CIB1: variants seen among roughly 807,000 people sequenced by gnomAD.
The protein encoded by CIB1 is calcium and integrin-binding protein 1.
CIB1 carries 19 observed loss-of-function variants against 25.0 expected under a neutral mutation model. The observed-to-expected ratio is 0.76, with a 90% confidence interval of 0.53 to 1.12. The LOEUF is 1.12. CIB1 is among the 50% of genes most tolerant of loss of function. CIB1 has a pLI of 0.00. For synonymous variants in CIB1, 104 were observed against 98.5 expected (o/e 1.06, Z -0.33); for missense variants, 236 against 242.6 (o/e 0.97, Z 0.18).
rs537611708 is a variant in CIB1, at chr15:90,230,624, C to A, written c.555-119G>T. ...GAACGGGCTATGTTCCGTGTGTCAG[C>A]CCCCTCTGCAAGAACTCCCCGAGAC... is the stretch of plus-strand genomic sequence containing the variant. On this transcript the variant is annotated intron_variant, in intron 6 of 6. Transcript: ENST00000328649. The A allele has an allele frequency of 3.6e-6, 4 of 1,108,932 alleles. No homozygotes were observed. In the Admixed American group the frequency reaches 8.3e-5, roughly 23 times the overall value. The allele number at this position is 1,108,932 out of a possible 1,614,324, so 68.7% of individuals were successfully genotyped here. A position where few individuals can be genotyped will look rare whatever the true frequency, so the allele number is the denominator to read the frequency against.
Position 90,231,133 on chromosome 15 carries a change from G to T in CIB1, c.427C>A (p.Arg143=). The T allele has an allele frequency of 6.2e-7, 1 of 1,614,174 alleles. No homozygotes were observed. Among genetic ancestry groups the T allele is most frequent in the Non-Finnish European group, 8.5e-7 (1 of 1,180,032 alleles). ...TGCTTCATCTCAGACGCACTAAGCC[G>T]TGTGTCCTCGCCCTCTCCCGTGAGG... is the stretch of plus-strand genomic sequence containing the variant. The part of the protein sequence containing the change: ...NCLTGEGEDT[R]LSASEMKQLI... Residue 143 remains arginine (R), a synonymous_variant, in exon 5 of 7, where the codon CGG becomes AGG. Coordinates refer to ENST00000328649, the MANE Select transcript of CIB1 (RefSeq NM_006384.4).
chr15:90,256,545 T>TTTCTTTC, the CIB1 span, among the ~76,000 whole-genome samples: 7 of 105,390 alleles, frequency 6.6e-5, no homozygotes, highest in African/African-American at 1.9e-4. Flanking sequence ...TCTCCTTCCT[T>TTTCTTTC]TTTCTTTCTT....
At chr15:90,260,628 G>A in the CIB1 span, among the ~76,000 whole-genome samples, 340 of 152,204 alleles carry the variant, frequency 2.2e-3, 2 homozygotes, top group African/African-American at 7.7e-3. Context: ...TGAGGTGGGC[G>A]GATCAGGAGG....
chr15:90,246,030 T>A, the CIB1 span, among the ~76,000 whole-genome samples: 3 of 151,940 alleles, frequency 2.0e-5, no homozygotes, highest in East Asian at 3.9e-4. Context: ...TCCCAGCACT[T>A]TGGGAGGCCG....
upstream of CIB1, among the ~76,000 whole-genome samples, chr15:90,234,879 A>T (rs142082147): frequency 9.6e-3 from 1,468 of 152,328 alleles, 28 homozygotes; most frequent in African/African-American, 0.034. Flanking sequence ...GAATGAACGT[A>T]TACTATTGCA....
chr15:90,249,143 C>G, the CIB1 span, among the ~76,000 whole-genome samples: 5 of 147,646 alleles, frequency 3.4e-5, no homozygotes, highest in Non-Finnish European at 7.4e-5. Context: ...CCCAGGAGGT[C>G]CAGGCTGCAG....
chr15:90,240,983 C>A, the CIB1 span: 1 of 1,614,042 alleles, frequency 6.2e-7, no homozygotes, highest in Non-Finnish European at 8.5e-7. Context: ...GCAGGCAAAC[C>A]ATTCCTGACT....
At chr15:90,231,246 G>C (rs748735632) in intron 4 of CIB1, 33 bp from the exon 5 acceptor site, 96 of 1,611,294 alleles carry the variant, frequency 6.0e-5, no homozygotes, top group Non-Finnish European at 6.8e-5. Context: ...CAAAAGACAC[G>C]GTTGGGAGGG....
the CIB1 span, among the ~76,000 whole-genome samples, chr15:90,254,802 C>T: frequency 6.6e-6 from 1 of 150,932 alleles, no homozygotes; most frequent in African/African-American, 2.4e-5. Context: ...GCTGAGATCA[C>T]ACCACTGCAC....
chr15:90,263,274 C>T, the CIB1 span: 108 of 832,764 alleles, frequency 1.3e-4, no homozygotes, highest in South Asian at 1.7e-3. Flanking sequence ...AAGCAGAGTG[C>T]GCTAGCTGGA....
chr15:90,259,122 G>A, the CIB1 span: 10 of 1,309,358 alleles, frequency 7.6e-6, no homozygotes, highest in Non-Finnish European at 1.0e-5. Flanking sequence ...CAGCACTTTG[G>A]GAGGCTGAGG....
the CIB1 span, chr15:90,265,129 C>A: frequency 8.0e-7 from 1 of 1,243,752 alleles, no homozygotes; most frequent in Non-Finnish European, 1.1e-6. Flanking sequence ...CCAAGAATTC[C>A]TCAATACCCT....
the CIB1 span, chr15:90,258,676 G>A: frequency 4.5e-4 from 605 of 1,345,080 alleles, 2 homozygotes; most frequent in African/African-American, 7.6e-3. Context: ...TCTAGTTAAT[G>A]CCTGCAAGAG....
the CIB1 span, chr15:90,256,011 T>C: frequency 2.1e-5 from 33 of 1,563,270 alleles, no homozygotes; most frequent in African/African-American, 2.7e-5. Context: ...TTTCAGCTGG[T>C]CAAAGAAAAG....
chr15:90,231,125 A>G lies in CIB1; in HGVS notation c.435T>C (p.Ser145=), dbSNP rs34958365. ...CGATGAGCTGCTTCATCTCAGACGC[A>G]CTAAGCCGTGTGTCCTCGCCCTCTC... ...LTGEGEDTRL[S]ASEMKQLIDN... The change falls in exon 5 of 7, where the codon AGT becomes AGC. Residue 145 remains serine (S), a synonymous_variant. Transcript: ENST00000328649. The G allele has an allele frequency of 2.2e-3, 3,601 of 1,614,120 alleles. 70 individuals are homozygous for G. The African/African-American group carries it at 0.038, about 17-fold the overall frequency.
chr15:90,249,086 C>T, the CIB1 span, among the ~76,000 whole-genome samples: 1 of 152,044 alleles, frequency 6.6e-6, no homozygotes, highest in Non-Finnish European at 1.5e-5. Flanking sequence ...TGGCACGCTC[C>T]TGTAGTCACA....
At chr15:90,265,398 C>T in the CIB1 span, 4 of 1,255,306 alleles carry the variant, frequency 3.2e-6, no homozygotes, top group Non-Finnish European at 4.0e-6. Context: ...CGGAGACAGG[C>T]AGGCCTGGGC....
chr15:90,252,981 G>A, the CIB1 span, among the ~76,000 whole-genome samples: 1 of 152,062 alleles, frequency 6.6e-6, no homozygotes, highest in South Asian at 2.1e-4. Context: ...CCAGCACAAG[G>A]GCGAAACTCC....
rs561170740 is a variant in CIB1, at chr15:90,233,580, C to A, written c.86+89G>T. The stretch of plus-strand genomic sequence containing the variant: ...CTCCCGCTCCTCTGCAGACCTCAGG[C>A]CAGCCCCCGCCCCTCCCTCGGGACA... On this transcript the variant is annotated intron_variant, in intron 2 of 6. Coordinates refer to ENST00000328649, the MANE Select transcript of CIB1 (RefSeq NM_006384.4). The A allele has an allele frequency of 7.2e-4, 1,080 of 1,495,430 alleles. 8 individuals are homozygous for A. In the African/African-American group the frequency reaches 0.012, roughly 17 times the overall value. The allele number at this position is 1,495,430 out of a possible 1,614,324, so 92.6% of individuals were successfully genotyped here. A position where few individuals can be genotyped will look rare whatever the true frequency, so the allele number is the denominator to read the frequency against.
Sources: gnomAD v4.1 joint callset for allele counts (sites outside exome capture counted in the v4.1 genomes callset) on GRCh38, gnomAD v4.1.1 for gene constraint, MANE v1.5 for transcripts, NCBI Gene and HGNC (gene_info 2026-07-23, HGNC 2026-07-21) for gene names.